The following TAF8 variants were observed in gnomAD, a reference collection of about 807,000 sequenced individuals.
The protein encoded by TAF8 is transcription initiation factor TFIID subunit 8.
In TAF8, 47 loss-of-function variants were observed where a neutral mutation model predicts 36.5. That is an observed-to-expected ratio of 1.29 (90% CI 1.02 to 1.64). TAF8 has a LOEUF of 1.64. Among genes scored for constraint, TAF8 ranks in the 40% most tolerant of loss-of-function variants. TAF8 has a pLI of 0.00. For missense variants in TAF8, 420 were observed against 407.6 expected, an observed-to-expected ratio of 1.03 and a Z score of -0.26; for synonymous variants, 175 against 159.5, an observed-to-expected ratio of 1.10 and a Z score of -0.73.
At chr6:42,071,484 C>T (rs1765572365) in intron 7 of TAF8, 1 of 164,206 alleles carries the variant, frequency 6.1e-6, no homozygotes, top group African/African-American at 2.4e-5. Context: ...CACCACCACG[C>T]CCGGCTAATT....
Position 42,079,925 on chromosome 6 carries a change from A to T in TAF8, c.*2380A>T. The stretch of plus-strand genomic sequence containing the variant: ...ACTTGGGGACTTGACAGCAGGCTCC[A>T]TGTTCTTCTGGCCTCACTGTACTGT... On this transcript the variant is annotated 3_prime_UTR_variant, in exon 9 of 9. Coordinates refer to ENST00000372977, the MANE Select transcript of TAF8 (RefSeq NM_138572.3). The T allele has an allele frequency of 2.0e-5, 20 of 985,086 alleles. No individual in the cohort carries two copies. The highest frequency in any genetic ancestry group is 2.4e-5 in the Non-Finnish European group (20 of 829,902). 61.0% of individuals were successfully genotyped at this position (985,086 alleles called of 1,614,324 possible).
rs369886097 is a variant in TAF8, at chr6:42,057,488, A to G, written c.464A>G (p.Asp155Gly). 3.1e-6 allele frequency: 5 copies of G among 1,613,998 alleles called. No individual in the cohort carries two copies. Among genetic ancestry groups the G allele is most frequent in the African/African-American group, 1.3e-5 (1 of 74,882 alleles). Residue 155 changes from aspartate to glycine, a missense_variant, in exon 5 of 9, where the codon GAT (aspartate) becomes GGT (glycine). By Grantham distance (94) the Asp-to-Gly change is moderately conservative (BLOSUM62 -1). Coordinates refer to ENST00000372977, the MANE Select transcript of TAF8 (RefSeq NM_138572.3). The part of the protein sequence containing the change: ...HIPSHFPEFP[D>G]PHTYIKTPTY... ...CCCAGCCATTTTCCTGAGTTCCCTG[A>G]TCCCCACACCTACATCAAAACTCCG...
At chr6:42,054,175 C>T (rs962812553) in intron 2 of TAF8, among the ~76,000 whole-genome samples, 1 of 152,174 alleles carries the variant, frequency 6.6e-6, no homozygotes, top group African/African-American at 2.4e-5. Flanking sequence ...GAAGCTCATT[C>T]ACAGAGCCGA....
At chr6:42,061,151 T>A (rs1765177390) in intron 5 of TAF8, among the ~76,000 whole-genome samples, 2 of 152,192 alleles carry the variant, frequency 1.3e-5, no homozygotes, top group Non-Finnish European at 2.9e-5. Flanking sequence ...CAAGATAAAA[T>A]GTCTGTGGAT....
chr6:42,066,580 C>A, intron 6 of TAF8, 121 bp downstream of exon 6: 2 of 1,183,208 alleles, frequency 1.7e-6, no homozygotes, highest in Non-Finnish European at 2.4e-6. Flanking sequence ...GTACAGCTTG[C>A]CTCTCAGATT....
At chr6:42,086,837 C>G (rs1766036708), downstream of TAF8, 3 of 1,307,158 alleles carry the variant, frequency 2.3e-6, no homozygotes, top group African/African-American at 2.9e-5. Context: ...GGAAGCAAAC[C>G]CAGGCTCTGT....
Position 42,077,110 on chromosome 6 carries a change from G to A in TAF8, c.791G>A (p.Gly264Glu). 1 of 1,612,530 alleles carries A rather than the reference G, an allele frequency of 6.2e-7. No individual in the cohort carries two copies. The highest frequency in any genetic ancestry group is 1.1e-5 in the South Asian group (1 of 90,894). ...GGCTTTTGCTCAAAGGAGGATTCTG[G>A]AGCCGAGAAGGAGAACACCTCTGTC... ...LALHISMEDSGAEKENTSVLQ... is the reference protein window; with the variant it reads ...LALHISMEDSEAEKENTSVLQ... The change falls in exon 8 of 9, where the codon GGA becomes GAA. Residue 264 changes from glycine (G) to glutamate (E), a missense_variant. By Grantham distance (98) the Gly-to-Glu change is moderately conservative (BLOSUM62 -2). Coordinates refer to ENST00000372977, the MANE Select transcript of TAF8 (RefSeq NM_138572.3).
intron 7 of TAF8, among the ~76,000 whole-genome samples, chr6:42,070,501 G>T (rs1325390839): frequency 6.6e-6 from 1 of 152,084 alleles, no homozygotes; most frequent in African/African-American, 2.4e-5. Flanking sequence ...CAAAAGAAAA[G>T]AACTGAAAAT....
chr6:42,085,718 C>T (rs551557156), downstream of TAF8, among the ~76,000 whole-genome samples: 112 of 152,306 alleles, frequency 7.4e-4, no homozygotes, highest in African/African-American at 2.6e-3. Flanking sequence ...GGCACGGTGG[C>T]TCACGCCTGT....
At chr6:42,077,400 T>C in intron 8 of TAF8, 133 bp from the exon 9 acceptor site, 1 of 1,535,592 alleles carries the variant, frequency 6.5e-7, no homozygotes, top group Non-Finnish European at 8.8e-7. Flanking sequence ...CTCCCGTACA[T>C]AGCTCTTGTT....
At chr6:42,069,752 C>T (rs776791305) in intron 7 of TAF8, among the ~76,000 whole-genome samples, 44 of 152,012 alleles carry the variant, frequency 2.9e-4, no homozygotes, top group Non-Finnish European at 5.0e-4. Flanking sequence ...GCCTGTAGGT[C>T]GTGTCTAAAA....
chr6:42,079,531 T>C lies in TAF8; in HGVS notation c.*1986T>C, dbSNP rs374195867. ...AAATTAGAATCCTAACGTCCATATT[T>C]AGCTTCATGTATTCCCCTTTGGCTT... On this transcript the variant is annotated 3_prime_UTR_variant, in exon 9 of 9. Transcript: ENST00000372977. The C allele has an allele frequency of 4.7e-5, 46 of 985,258 alleles. No individual in the cohort carries two copies. In the East Asian group the frequency reaches 7.9e-4, roughly 17 times the overall value. 61.0% of individuals were successfully genotyped at this position (985,258 alleles called of 1,614,324 possible). A position where few individuals can be genotyped will look rare whatever the true frequency, so the allele number is the denominator to read the frequency against.
At chr6:42,066,183 G>A in intron 5 of TAF8, 129 bp from the exon 6 acceptor site, 1 of 1,153,452 alleles carries the variant, frequency 8.7e-7, no homozygotes, top group East Asian at 2.6e-5. Context: ...TTACAGGTGT[G>A]AGCCACTGTG....
At chr6:42,050,974 AT>A (rs1400783101) in intron 1 of TAF8, 1 of 1,090,316 alleles carries the variant, frequency 9.2e-7, no homozygotes, top group East Asian at 6.1e-5. Flanking sequence ...TACTGTTTTC[AT>A]TTTCCCTTTC....
At chr6:42,063,959 G>A (rs1765269866) in intron 5 of TAF8, among the ~76,000 whole-genome samples, 1 of 152,180 alleles carries the variant, frequency 6.6e-6, no homozygotes, top group South Asian at 2.1e-4. Context: ...TAGTAAGTTG[G>A]AGGTCAGAAT....
Position 42,070,909 on chromosome 6 carries a change from A to C in TAF8, c.780+2302A>C, listed in dbSNP as rs574894258. 4.6e-5 allele frequency among the ~76,000 whole-genome samples: 7 copies of C among 152,262 alleles called. No homozygotes were observed. In the South Asian group the frequency reaches 1.5e-3, roughly 32 times the overall value. ...CATTTCATACCCAGGATAGGAGACA[A>C]CATGTGGGTTCAGAGACAAAGGTGG... On this transcript the variant is annotated intron_variant, in intron 7 of 8. Coordinates refer to ENST00000372977, the MANE Select transcript of TAF8 (RefSeq NM_138572.3).
chr6:42,072,878 A>G (rs977989012), intron 7 of TAF8, among the ~76,000 whole-genome samples: 3 of 151,480 alleles, frequency 2.0e-5, no homozygotes, highest in Non-Finnish European at 2.9e-5. Context: ...GCCCGCCACC[A>G]CGCCCGGCTA....
At position 42,057,382 on chromosome 6, in the gene TAF8, G is replaced by C. The variant is rs1765030801; in HGVS notation, c.365-7G>C. 4.3e-6 allele frequency: 7 copies of C among 1,613,916 alleles called. No homozygotes were observed. The highest frequency in any genetic ancestry group is 2.2e-5 in the South Asian group (2 of 91,088). ...TGGAGGGGTAATCAGTTGTGACTCTGTTGCAGCTCCGGTGACCAATCAGCC... is the reference window on the plus strand; with the variant it reads ...TGGAGGGGTAATCAGTTGTGACTCTCTTGCAGCTCCGGTGACCAATCAGCC... On this transcript the variant is annotated splice_region_variant and splice_polypyrimidine_tract_variant and intron_variant, in intron 4 of 8. Coordinates refer to ENST00000372977, the MANE Select transcript of TAF8 (RefSeq NM_138572.3).
chr6:42,077,041 G>A, intron 7 of TAF8, 59 bp from the exon 8 acceptor site: 3 of 1,550,448 alleles, frequency 1.9e-6, no homozygotes, highest in Non-Finnish European at 2.6e-6. Context: ...TCCAATTATA[G>A]GCATGATCTC....
Sources: gnomAD v4.1 joint callset for allele counts (sites outside exome capture counted in the v4.1 genomes callset) on GRCh38, gnomAD v4.1.1 for gene constraint, MANE v1.5 for transcripts, NCBI Gene and HGNC (gene_info 2026-07-23, HGNC 2026-07-21) for gene names.